NEK10: variants seen among roughly 807,000 people sequenced by gnomAD.
NEK10 encodes NIMA related kinase 10.
Under a neutral mutation model 159.8 loss-of-function variants are expected in NEK10, and 122 were observed. The ratio of observed to expected loss-of-function variants is 0.76; its 90% CI spans 0.66 to 0.89. NEK10 has a LOEUF of 0.89. Ranked by LOEUF, NEK10 falls within the 40% of genes least tolerant of loss-of-function variation. NEK10 has a pLI of 0.00. For missense variants in NEK10, 1,342 were observed against 1,323.1 expected, an observed-to-expected ratio of 1.01 and a Z score of -0.22; for synonymous variants, 466 against 457.1, an observed-to-expected ratio of 1.02 and a Z score of -0.25.
chr3:27,311,102 G>A, intron 8 of NEK10, 86 bp from the exon 9 acceptor site: 1 of 816,122 alleles, frequency 1.2e-6, no homozygotes, highest in Non-Finnish European at 2.1e-6. Flanking sequence ...GTGCATATGG[G>A]CAGGCAGAGA....
chr3:27,257,878 T>G (rs942027502), intron 22 of NEK10, among the ~76,000 whole-genome samples: 4 of 150,804 alleles, frequency 2.7e-5, no homozygotes, highest in Non-Finnish European at 4.4e-5. Flanking sequence ...AAGCTCTGCC[T>G]GCCGGGTTCA....
chr3:27,263,601 T>C (rs2149361646), intron 22 of NEK10, among the ~76,000 whole-genome samples: 1 of 152,280 alleles, frequency 6.6e-6, no homozygotes, highest in Middle Eastern at 3.4e-3. Context: ...TCCGTGGGTA[T>C]AGGACCCTCC....
At chr3:27,289,173 C>T (rs1279836706) in intron 19 of NEK10, among the ~76,000 whole-genome samples, 1 of 152,174 alleles carries the variant, frequency 6.6e-6, no homozygotes, top group Admixed American at 6.5e-5. Context: ...CCTGCATCCC[C>T]AAATGATCGC....
chr3:27,174,577 G>A, intron 27 of NEK10, 52 bp from the exon 28 acceptor site: 1 of 1,601,444 alleles, frequency 6.2e-7, no homozygotes, highest in Non-Finnish European at 8.5e-7. Flanking sequence ...AAACAGGAAG[G>A]AGTCCAGAAT....
Position 27,301,822 on chromosome 3 carries a change from C to A in NEK10, c.1042G>T (p.Val348Phe). ...CTTCCAATGGAGGAGTGATCAGAAA[C>A]AAAATTTCTGTCTCTGAAAAAGAAA... ...LHILQGDRNF[V>F]SDHSSIGSLS... The change falls in exon 13 of 36, where the codon GTT (valine) becomes TTT (phenylalanine). Residue 348 changes from valine to phenylalanine, a missense_variant. Transcript: ENST00000691995. 1.9e-6 allele frequency: 3 copies of A among 1,551,842 alleles called. No homozygotes were observed. Among genetic ancestry groups the A allele is most frequent in the Non-Finnish European group, 2.6e-6 (3 of 1,146,910 alleles).
chr3:27,110,961 T>C lies in NEK10; in HGVS notation c.*311A>G, dbSNP rs940285948. 4.1e-6 allele frequency: 1 copy of C among 246,510 alleles called. No individual in the cohort carries two copies. The highest frequency in any genetic ancestry group is 7.7e-6 in the Non-Finnish European group (1 of 130,102). 15.3% of individuals were successfully genotyped at this position (246,510 alleles called of 1,614,324 possible). On this transcript the variant is annotated 3_prime_UTR_variant, in exon 36 of 36. Coordinates refer to ENST00000691995, the MANE Select transcript of NEK10 (RefSeq NM_001394966.1). ...GTTAAGGAAAATTCTGTAAGAGAGT[T>C]TTTTTGTTGTTGTTTTTGGGTTTTC...
At chr3:27,116,802 A>G (rs1350012657) in intron 33 of NEK10, among the ~76,000 whole-genome samples, 1 of 147,858 alleles carries the variant, frequency 6.8e-6, no homozygotes, top group African/African-American at 2.5e-5. Context: ...GGCTGGCCAG[A>G]TTTTTTTTTT....
intron 22 of NEK10, among the ~76,000 whole-genome samples, chr3:27,258,170 T>C (rs143393369): frequency 1.0e-3 from 157 of 152,248 alleles, no homozygotes; most frequent in African/African-American, 3.7e-3. Context: ...CAGAATAGTA[T>C]GAAAGTAAAA....
At chr3:27,254,905 T>C (rs1010839396) in intron 23 of NEK10, among the ~76,000 whole-genome samples, 1 of 145,390 alleles carries the variant, frequency 6.9e-6, no homozygotes, top group Non-Finnish European at 1.5e-5. Flanking sequence ...CTATGGATTC[T>C]GTCTCTTTCT....
Position 27,109,274 on chromosome 3 carries a change from G to A in NEK10, c.*1998C>T, listed in dbSNP as rs1348021750. Among the ~76,000 whole-genome samples the A allele has an allele frequency of 6.6e-6, 1 of 151,784 alleles. No homozygotes were observed. The highest frequency in any genetic ancestry group is 1.5e-5 in the Non-Finnish European group (1 of 67,960). ...CATGCCTGTAATCCCAGTTACTCGG[G>A]AGGCTGAGGCAGGAGAATTGCTTGA... is the stretch of plus-strand genomic sequence containing the variant. On this transcript the variant is annotated 3_prime_UTR_variant, in exon 36 of 36. Transcript: ENST00000691995.
In NEK10 at chr3:27,304,901, C is replaced by T. The variant is rs2044117759; in HGVS notation, c.874G>A (p.Gly292Arg). 1 of 1,613,622 alleles carries T rather than the reference C, an allele frequency of 6.2e-7. No individual in the cohort carries two copies. The highest frequency in any genetic ancestry group is 8.5e-7 in the Non-Finnish European group (1 of 1,179,698). ...AGCAGACTGAGGAGGACCGGTATCC[C>T]CTCATAGAGCTTCACCTGCTCTTTC... ...QVKEQVKLYE[G>R]IPVLLSLLHS... Residue 292 changes from glycine (G) to arginine (R), a missense_variant, in exon 12 of 36, where the codon GGG becomes AGG. Physicochemically the swap from Gly to Arg is moderately radical, Grantham distance 125 (BLOSUM62 -2). Transcript: ENST00000691995.
At chr3:27,209,589 T>G (rs1485204856) in intron 23 of NEK10, among the ~76,000 whole-genome samples, 1 of 152,254 alleles carries the variant, frequency 6.6e-6, no homozygotes, top group Non-Finnish European at 1.5e-5. Flanking sequence ...GGCCTAGTTT[T>G]TATAAACATT....
intron 22 of NEK10, among the ~76,000 whole-genome samples, chr3:27,279,365 C>T (rs1474056866): frequency 1.3e-5 from 2 of 152,150 alleles, no homozygotes; most frequent in Non-Finnish European, 2.9e-5. Context: ...AACAAGGCTG[C>T]CCCTCTGTGG....
chr3:27,127,243 G>A (rs79161176), intron 32 of NEK10, among the ~76,000 whole-genome samples: 1 of 152,028 alleles, frequency 6.6e-6, no homozygotes, highest in South Asian at 2.1e-4. Context: ...ATTTCAGCAT[G>A]GCTCTTTAAA....
At chr3:27,132,013 C>A in intron 31 of NEK10, 23 bp from the exon 32 acceptor site, 1 of 1,378,422 alleles carries the variant, frequency 7.3e-7, no homozygotes, top group South Asian at 1.2e-5. Context: ...AGAAAACAAT[C>A]ATTATAAACA....
intron 5 of NEK10, among the ~76,000 whole-genome samples, chr3:27,342,053 G>T (rs1010111492): frequency 2.0e-5 from 3 of 150,288 alleles, no homozygotes; most frequent in Non-Finnish European, 4.4e-5. Context: ...TAATTGTCTT[G>T]CTGATCTGAG....
intron 3 of NEK10, among the ~76,000 whole-genome samples, chr3:27,349,543 C>A (rs1319106906): frequency 6.6e-6 from 1 of 152,148 alleles, no homozygotes; most frequent in East Asian, 1.9e-4. Context: ...CGTGTTCTTT[C>A]TACAGCATCT....
At chr3:27,334,964 A>G (rs1250737814) in intron 5 of NEK10, among the ~76,000 whole-genome samples, 2 of 152,228 alleles carry the variant, frequency 1.3e-5, no homozygotes, top group Non-Finnish European at 2.9e-5. Context: ...ATATAAGAAA[A>G]GTCCAAAAAA....
chr3:27,213,209 G>A (rs1411206448), intron 23 of NEK10, among the ~76,000 whole-genome samples: 2 of 152,042 alleles, frequency 1.3e-5, no homozygotes, highest in African/African-American at 4.8e-5. Context: ...TCCTTGCTTT[G>A]TGCGTTCTGT....
Sources: gnomAD v4.1 joint callset for allele counts (sites outside exome capture counted in the v4.1 genomes callset) on GRCh38, gnomAD v4.1.1 for gene constraint, MANE v1.5 for transcripts, NCBI Gene and HGNC (gene_info 2026-07-23, HGNC 2026-07-21) for gene names.